The following SAMD4B variants were observed in gnomAD, a reference collection of about 807,000 sequenced individuals.
SAMD4B encodes sterile alpha motif domain containing 4B, also known as protein Smaug homolog 2.
Under a neutral mutation model 74.5 loss-of-function variants are expected in SAMD4B, and 5 were observed. That is an observed-to-expected ratio of 0.07 (90% CI 0.04 to 0.14). The LOEUF is 0.14. Ranked by LOEUF, SAMD4B falls within the 10% of genes least tolerant of loss-of-function variation. SAMD4B has a pLI of 1.00. For missense variants in SAMD4B, 608 were observed against 921.8 expected (o/e 0.66, Z 4.41); for synonymous variants, 373 against 374.9 (o/e 1.00, Z 0.06).
intron 7 of SAMD4B, among the ~76,000 whole-genome samples, chr19:39,377,154 C>T (rs2077649490): frequency 6.6e-6 from 1 of 152,200 alleles, no homozygotes; most frequent in Non-Finnish European, 1.5e-5. Context: ...CCTTCCACAT[C>T]TGATTCCGTT....
chr19:39,387,332 A>G (rs985327110), downstream of SAMD4B: 2 of 223,848 alleles, frequency 8.9e-6, no homozygotes, highest in Admixed American at 4.4e-5. Context: ...TAAGCAGTCC[A>G]TTGTTGACTG....
intron 1 of SAMD4B, chr19:39,351,677 C>G (rs2076050139): frequency 6.6e-6 from 1 of 152,116 alleles, no homozygotes; most frequent in Non-Finnish European, 1.5e-5. Flanking sequence ...TTCCCCCTCC[C>G]CCATCTCTTG....
At chr19:39,390,481 C>T (rs1289937596), downstream of SAMD4B, among the ~76,000 whole-genome samples, 1 of 152,176 alleles carries the variant, frequency 6.6e-6, no homozygotes, top group Non-Finnish European at 1.5e-5. Context: ...GAAATGCCCC[C>T]AAAAGCTTTA....
intron 1 of SAMD4B, among the ~76,000 whole-genome samples, 192 bp downstream of exon 1, chr19:39,342,768 C>T (rs1380405138): frequency 1.3e-5 from 2 of 151,626 alleles, no homozygotes; most frequent in East Asian, 3.9e-4. Flanking sequence ...CGCCCGTCCC[C>T]AGTCTCCCTC....
rs527827489 is a variant in SAMD4B, at chr19:39,377,418, G to C, written c.1105-67G>C. On this transcript the variant is annotated intron_variant, in intron 7 of 13. Transcript: ENST00000610417. ...TTCTGCAAGCCCTGTCTGACTCTCT[G>C]TGTAGATACTCTCTGTCCCTCATTG... is the stretch of plus-strand genomic sequence containing the variant. The C allele has an allele frequency of 3.7e-5, 51 of 1,370,428 alleles. No individual in the cohort carries two copies. In the South Asian group the frequency reaches 6.4e-4, roughly 17 times the overall value. The allele number at this position is 1,370,428 out of a possible 1,614,324, so 84.9% of individuals were successfully genotyped here. A position where few individuals can be genotyped will look rare whatever the true frequency, so the allele number is the denominator to read the frequency against.
Position 39,376,418 on chromosome 19 carries a change from T to C in SAMD4B, c.908-19T>C, listed in dbSNP as rs369002491. On this transcript the variant is annotated intron_variant, in intron 5 of 13. Coordinates refer to ENST00000610417, the MANE Select transcript of SAMD4B (RefSeq NM_001384574.2). ...CTGGGCCAAACTCCTGACCTTTCAC[T>C]CTCCCTCCTTTGCCAAAGATGTGCC... is the stretch of plus-strand genomic sequence containing the variant. 1.3e-6 allele frequency: 2 copies of C among 1,596,100 alleles called. No individual in the cohort carries two copies. The highest frequency in any genetic ancestry group is 1.7e-6 in the Non-Finnish European group (2 of 1,168,416).
At position 39,385,439 on chromosome 19, in the gene SAMD4B, T is replaced by C; in HGVS notation, c.*1912T>C. On this transcript the variant is annotated 3_prime_UTR_variant, in exon 14 of 14. Coordinates refer to ENST00000610417, the MANE Select transcript of SAMD4B (RefSeq NM_001384574.2). ...GGCAAGAGCTGCCCCCCACCCCACC[T>C]GACAGCAGAGTGTGCAGGACGCAGG... 1 of 389,636 alleles carries C rather than the reference T, an allele frequency of 2.6e-6. No individual in the cohort carries two copies. 24.1% of individuals were successfully genotyped at this position (389,636 alleles called of 1,614,324 possible). A position where few individuals can be genotyped will look rare whatever the true frequency, so the allele number is the denominator to read the frequency against.
At chr19:39,343,641 G>T (rs561218099) in intron 1 of SAMD4B, among the ~76,000 whole-genome samples, 15 of 151,372 alleles carry the variant, frequency 9.9e-5, no homozygotes, top group Non-Finnish European at 1.8e-4. Flanking sequence ...TCTTCACCGG[G>T]ATCCCCTTCC....
intron 3 of SAMD4B, 47 bp from the exon 4 acceptor site, chr19:39,369,608 G>C (rs62119700): frequency 0.017 from 25,766 of 1,519,590 alleles, 256 homozygotes; most frequent in Non-Finnish European, 0.02. Context: ...GTGAATAGGA[G>C]TACCCCACCC....
chr19:39,367,557 G>A (rs1392660648), intron 3 of SAMD4B, among the ~76,000 whole-genome samples: 2 of 137,512 alleles, frequency 1.5e-5, no homozygotes, highest in Non-Finnish European at 3.0e-5. Flanking sequence ...CCCCCAGGCT[G>A]GAGTGCAGTG....
In SAMD4B at chr19:39,378,670, C is replaced by A; in HGVS notation, c.1530+81C>A. 8.2e-7 allele frequency: 1 copy of A among 1,212,908 alleles called. No individual in the cohort carries two copies. The highest frequency in any genetic ancestry group is 1.2e-6 in the Non-Finnish European group (1 of 830,296). The allele number at this position is 1,212,908 out of a possible 1,614,324, so 75.1% of individuals were successfully genotyped here. ...ACGCCTGTAGTCCCAGCACTTCGGC[C>A]ACCGAGGCGGGCGGATCATGAGGTC... On this transcript the variant is annotated intron_variant, in intron 9 of 13. Coordinates refer to ENST00000610417, the MANE Select transcript of SAMD4B (RefSeq NM_001384574.2). The surrounding 1 kb of genome is among the most constrained non-coding windows in gnomAD (Gnocchi z 4.4).
intron 12 of SAMD4B, among the ~76,000 whole-genome samples, chr19:39,382,091 G>A (rs1182974051): frequency 6.6e-6 from 1 of 152,192 alleles, no homozygotes; most frequent in Non-Finnish European, 1.5e-5. Context: ...ACTCTAGAGA[G>A]AGCATGGATT....
chr19:39,351,594 A>G (rs1205526630), intron 1 of SAMD4B: 1 of 152,174 alleles, frequency 6.6e-6, no homozygotes, highest in Non-Finnish European at 1.5e-5. Flanking sequence ...ATGTAACTGA[A>G]AAGAGTGGGC....
At position 39,369,834 on chromosome 19, in the gene SAMD4B, C is replaced by T; in HGVS notation, c.376C>T (p.Leu126Phe). 6.2e-7 allele frequency: 1 copy of T among 1,614,276 alleles called. No individual in the cohort carries two copies. Among genetic ancestry groups the T allele is most frequent in the Non-Finnish European group, 8.5e-7 (1 of 1,180,056 alleles). The change falls in exon 4 of 14, where the codon CTT becomes TTT. Residue 126 changes from leucine to phenylalanine, a missense_variant. By Grantham distance (22) the Leu-to-Phe change is conservative. Around this residue, in one of 9 missense-constraint regions of SAMD4B, gnomAD observed 74 missense variants for 182.0 expected, o/e 0.41. Coordinates refer to ENST00000610417, the MANE Select transcript of SAMD4B (RefSeq NM_001384574.2). ...NAFIEESRQLLSYALIHPATT... is the reference protein window; with the variant it reads ...NAFIEESRQLFSYALIHPATT... ...TTTCATCGAGGAGAGTCGCCAGCTGCTTTCCTATGCCCTCATCCACCCAGC... is the reference window on the plus strand; with the variant it reads ...TTTCATCGAGGAGAGTCGCCAGCTGTTTTCCTATGCCCTCATCCACCCAGC...
At chr19:39,347,436 G>C (rs910860926) in intron 1 of SAMD4B, among the ~76,000 whole-genome samples, 3 of 152,180 alleles carry the variant, frequency 2.0e-5, no homozygotes, top group Non-Finnish European at 2.9e-5. Context: ...GATTCCATCC[G>C]ATGAACTTTC....
At chr19:39,366,150 C>T (rs1204360025) in intron 3 of SAMD4B, among the ~76,000 whole-genome samples, 2 of 152,152 alleles carry the variant, frequency 1.3e-5, no homozygotes, top group African/African-American at 4.8e-5. Context: ...ACGCCCCCTC[C>T]ACTAAAAATA....
At chr19:39,390,735 A>G in the SAMD4B span, 2 of 1,415,110 alleles carry the variant, frequency 1.4e-6, no homozygotes, top group Non-Finnish European at 2.0e-6. Flanking sequence ...CGTCACGGGC[A>G]GACCTGGGGG....
At position 39,370,012 on chromosome 19, in the gene SAMD4B, A is replaced by C. The variant is rs753465927; in HGVS notation, c.554A>C (p.Glu185Ala). Residue 185 changes from glutamate to alanine, a missense_variant, in exon 4 of 14, where the codon GAG becomes GCG. By Grantham distance (107) the Glu-to-Ala change is moderately radical. Around this residue, in one of 9 missense-constraint regions of SAMD4B, gnomAD observed 153 missense variants for 153.0 expected, o/e 1.00. Coordinates refer to ENST00000610417, the MANE Select transcript of SAMD4B (RefSeq NM_001384574.2). ...WGGPAELGPG[E>A]AGPGWQDKPP... ...GGCCCTGCAGAGCTAGGCCCTGGGG[A>C]GGCAGGGCCAGGCTGGCAGGACAAG... The C allele has an allele frequency of 6.2e-7, 1 of 1,612,818 alleles. No individual in the cohort carries two copies. Among genetic ancestry groups the C allele is most frequent in the Admixed American group, 1.7e-5 (1 of 59,862 alleles).
intron 1 of SAMD4B, among the ~76,000 whole-genome samples, chr19:39,348,595 C>T (rs1168368279): frequency 6.6e-6 from 1 of 152,098 alleles, no homozygotes; most frequent in East Asian, 1.9e-4. Flanking sequence ...CTAAGGGCCA[C>T]AGTAAGGAGT....
Sources: gnomAD v4.1 joint callset for allele counts (sites outside exome capture counted in the v4.1 genomes callset) on GRCh38, gnomAD v4.1.1 for gene constraint, gnomAD v4.1.1 regional missense constraint, Gnocchi (gnomAD v3.1) non-coding constraint, MANE v1.5 for transcripts, NCBI Gene and HGNC (gene_info 2026-07-23, HGNC 2026-07-21) for gene names.